The following SLC24A2 variants were observed in gnomAD, a reference collection of about 807,000 sequenced individuals.
SLC24A2 encodes the protein solute carrier family 24 member 2.
SLC24A2 carries 36 observed loss-of-function variants against 62.0 expected under a neutral mutation model. The observed-to-expected ratio is 0.58, with a 90% CI of 0.44 to 0.77. The LOEUF (loss-of-function observed/expected upper bound fraction) is 0.77, where lower values mean the gene tolerates loss of function less well. Among genes scored for constraint, SLC24A2 ranks in the 30% least tolerant of loss-of-function variants. The probability of loss-of-function intolerance (pLI) is 0.00; values close to 1 mark genes in which losing one functional copy is unlikely to be tolerated. For missense variants in SLC24A2, 846 were observed against 817.9 expected (o/e 1.03, Z -0.42); for synonymous variants, 358 against 294.0 (o/e 1.22, Z -2.23).
the SLC24A2 span, among the ~76,000 whole-genome samples, chr9:19,965,867 A>G: frequency 6.6e-6 from 1 of 152,182 alleles, no homozygotes; most frequent in Non-Finnish European, 1.5e-5. Context: ...TGAGACTGGA[A>G]TGATCCTCCA....
the SLC24A2 span, among the ~76,000 whole-genome samples, chr9:19,814,719 G>A: frequency 6.6e-6 from 1 of 152,104 alleles, no homozygotes; most frequent in African/African-American, 2.4e-5. Context: ...GAACTTGATT[G>A]CTGCTGTGAT....
intron 2 of SLC24A2, among the ~76,000 whole-genome samples, chr9:19,657,725 C>G (rs112649085): frequency 2.5e-3 from 381 of 152,218 alleles, no homozygotes; most frequent in African/African-American, 8.9e-3. Flanking sequence ...CAGTCTTTTA[C>G]TTTCTTTCTT....
At chr9:20,121,877 T>A in the SLC24A2 span, among the ~76,000 whole-genome samples, 1 of 152,230 alleles carries the variant, frequency 6.6e-6, no homozygotes, top group East Asian at 1.9e-4. Context: ...CTTTTAATTA[T>A]ATTACTTTCA....
At chr9:19,589,351 T>C (rs1464616764) in intron 5 of SLC24A2, among the ~76,000 whole-genome samples, 2 of 152,310 alleles carry the variant, frequency 1.3e-5, no homozygotes, top group South Asian at 4.1e-4. Context: ...ATGCAATTAA[T>C]AACAAAAGCC....
the SLC24A2 span, among the ~76,000 whole-genome samples, chr9:19,912,268 A>G: frequency 6.6e-6 from 1 of 152,144 alleles, no homozygotes. Context: ...AGAGATGCAG[A>G]TACTGAGCCT....
the SLC24A2 span, among the ~76,000 whole-genome samples, chr9:19,907,957 C>T: frequency 1.3e-5 from 2 of 152,170 alleles, no homozygotes; most frequent in Non-Finnish European, 2.9e-5. Flanking sequence ...CTACCAATGA[C>T]TTTCTTCACA....
At chr9:19,849,910 A>T in the SLC24A2 span, among the ~76,000 whole-genome samples, 1 of 152,234 alleles carries the variant, frequency 6.6e-6, no homozygotes, top group African/African-American at 2.4e-5. Context: ...TGAAATAAAA[A>T]GTAAAAAGAA....
the SLC24A2 span, among the ~76,000 whole-genome samples, chr9:19,830,920 C>T: frequency 6.6e-6 from 1 of 152,168 alleles, no homozygotes; most frequent in African/African-American, 2.4e-5. Context: ...CAGACCAAGG[C>T]ATCAGCAGGG....
At chr9:20,218,771 C>T in the SLC24A2 span, among the ~76,000 whole-genome samples, 3 of 152,096 alleles carry the variant, frequency 2.0e-5, no homozygotes, top group East Asian at 5.8e-4. Context: ...AATTTAGCAG[C>T]TTCAATCACA....
chr9:19,521,971 T>C (rs1005779009), intron 9 of SLC24A2, among the ~76,000 whole-genome samples: 1 of 152,110 alleles, frequency 6.6e-6, no homozygotes, highest in African/African-American at 2.4e-5. Flanking sequence ...TCCATTCTCT[T>C]GAGCAATTTG....
chr9:20,284,036 G>A, the SLC24A2 span, among the ~76,000 whole-genome samples: 5 of 152,072 alleles, frequency 3.3e-5, no homozygotes, highest in East Asian at 9.7e-4. Context: ...GTTAACAGGT[G>A]TGGACCATCA....
At chr9:20,194,392 C>T in the SLC24A2 span, among the ~76,000 whole-genome samples, 2 of 152,126 alleles carry the variant, frequency 1.3e-5, no homozygotes, top group Admixed American at 6.5e-5. Context: ...TTCATCCCTT[C>T]TCCAAGATTA....
At chr9:19,874,492 A>G in the SLC24A2 span, among the ~76,000 whole-genome samples, 1 of 152,206 alleles carries the variant, frequency 6.6e-6, no homozygotes, top group East Asian at 1.9e-4. Flanking sequence ...TGGCAAGATA[A>G]GGAGGTTGCT....
chr9:19,543,141 C>T (rs1400543149), intron 8 of SLC24A2, among the ~76,000 whole-genome samples: 1 of 152,026 alleles, frequency 6.6e-6, no homozygotes, highest in Non-Finnish European at 1.5e-5. Context: ...TCGACTTCTT[C>T]CTGGTTTAGT....
chr9:20,090,941 C>A, the SLC24A2 span, among the ~76,000 whole-genome samples: 1 of 151,430 alleles, frequency 6.6e-6, no homozygotes, highest in Non-Finnish European at 1.5e-5. Context: ...AAACCCAATC[C>A]AAGGAAACAG....
chr9:20,161,075 T>G, the SLC24A2 span, among the ~76,000 whole-genome samples: 29 of 151,506 alleles, frequency 1.9e-4, no homozygotes, highest in South Asian at 3.9e-3. Flanking sequence ...TGGATAAAAC[T>G]TCTTTAAAAA....
At chr9:20,164,102 C>A in the SLC24A2 span, among the ~76,000 whole-genome samples, 1 of 152,100 alleles carries the variant, frequency 6.6e-6, no homozygotes, top group Non-Finnish European at 1.5e-5. Context: ...ATACCAAAAG[C>A]AATGGCAACA....
intron 2 of SLC24A2, among the ~76,000 whole-genome samples, chr9:19,629,276 C>A (rs1187490295): frequency 6.6e-6 from 1 of 152,130 alleles, no homozygotes; most frequent in Non-Finnish European, 1.5e-5. Context: ...TGTGAGGAGG[C>A]TGCAGACAAT....
intron 8 of SLC24A2, among the ~76,000 whole-genome samples, chr9:19,530,129 C>A (rs568218292): frequency 4.0e-5 from 6 of 148,410 alleles, no homozygotes; most frequent in Non-Finnish European, 7.4e-5. Context: ...TTCTGGAGAC[C>A]GAATTCCCTG....
Sources: allele counts gnomAD v4.1 joint callset (sites outside exome capture counted in the v4.1 genomes callset), GRCh38; gene constraint gnomAD v4.1.1; transcripts MANE v1.5; gene names NCBI Gene and HGNC (gene_info 2026-07-23, HGNC 2026-07-21).